Variants in NSUN3 observed in about 807,000 individuals in gnomAD.
NSUN3 encodes NOP2/Sun RNA methyltransferase 3.
Under a neutral mutation model 36.8 loss-of-function variants are expected in NSUN3, and 24 were observed. The ratio of observed to expected loss-of-function variants is 0.65; its 90% CI spans 0.47 to 0.92. The LOEUF is 0.92. Among genes scored for constraint, NSUN3 ranks in the 40% least tolerant of loss-of-function variants. The probability of loss-of-function intolerance (pLI) is 0.00; values close to 1 mark genes in which losing one functional copy is unlikely to be tolerated. For synonymous variants in NSUN3, 146 were observed against 145.2 expected, an observed-to-expected ratio of 1.01 and a Z score of -0.04; for missense variants, 381 against 392.8, an observed-to-expected ratio of 0.97 and a Z score of 0.25.
intron 5 of NSUN3, among the ~76,000 whole-genome samples, chr3:94,119,436 G>C (rs976079677): frequency 2.6e-5 from 4 of 152,152 alleles, no homozygotes; most frequent in Non-Finnish European, 4.4e-5. Context: ...TATGGCTCTG[G>C]GGGAGGGGGA....
In NSUN3 at chr3:94,107,776, C is replaced by T. The variant is rs966617929; in HGVS notation, c.743+12622C>T. Among the ~76,000 whole-genome samples, 5 of 151,906 alleles carry T rather than the reference C, an allele frequency of 3.3e-5. No homozygotes were observed. In the East Asian group the frequency reaches 5.8e-4, roughly 18 times the overall value. ...CAATTTTAAAACAGTGGCCATGTTC[C>T]GTAAAGTCAAGTTTACTTTAAAAAG... On this transcript the variant is annotated intron_variant, in intron 5 of 5. Coordinates refer to ENST00000314622, the MANE Select transcript of NSUN3 (RefSeq NM_022072.5).
chr3:94,091,765 T>A (rs970416729), intron 3 of NSUN3, among the ~76,000 whole-genome samples: 2 of 152,220 alleles, frequency 1.3e-5, no homozygotes, highest in African/African-American at 4.8e-5. Flanking sequence ...AAGACCTCTT[T>A]TCTCTGAGGC....
At chr3:94,107,038 G>A (rs1026182830) in intron 5 of NSUN3, among the ~76,000 whole-genome samples, 8 of 151,640 alleles carry the variant, frequency 5.3e-5, no homozygotes, top group South Asian at 2.1e-4. Flanking sequence ...CACCTCCCAC[G>A]CTCAAGCAGT....
At chr3:94,095,296 C>G in intron 5 of NSUN3, 142 bp downstream of exon 5, 3 of 743,206 alleles carry the variant, frequency 4.0e-6, no homozygotes, top group Non-Finnish European at 6.4e-6. Context: ...CAAAAAATTC[C>G]CAACTTCTTC....
chr3:94,075,858 G>C (rs779535476), intron 2 of NSUN3: 1 of 1,132,338 alleles, frequency 8.8e-7, no homozygotes, highest in Admixed American at 1.8e-5. Flanking sequence ...CACTCTCAGG[G>C]TTGAGAAGAA....
At chr3:94,105,535 G>T (rs2077385382) in intron 5 of NSUN3, among the ~76,000 whole-genome samples, 1 of 151,960 alleles carries the variant, frequency 6.6e-6, no homozygotes, top group Non-Finnish European at 1.5e-5. Flanking sequence ...TTCCTCCAAA[G>T]ATTTATTTAG....
chr3:94,114,114 A>G (rs1413129385), intron 5 of NSUN3, among the ~76,000 whole-genome samples: 1 of 152,222 alleles, frequency 6.6e-6, no homozygotes, highest in African/African-American at 2.4e-5. Flanking sequence ...GCCTGGAGGT[A>G]TATAGTTATT....
Position 94,126,394 on chromosome 3 carries a change from G to C in NSUN3, c.927G>C (p.Gln309His), listed in dbSNP as rs779888387. The C allele has an allele frequency of 6.2e-7, 1 of 1,614,068 alleles. No individual in the cohort carries two copies. The highest frequency in any genetic ancestry group is 1.3e-5 in the African/African-American group (1 of 74,930). The stretch of plus-strand genomic sequence containing the variant: ...ACTTCACATTTGCTCCCACTGGCCA[G>C]GAATGTGGGCTCTTAGTGATTCCAG... The part of the protein sequence containing the change: ...SHDFTFAPTG[Q>H]ECGLLVIPDK... Residue 309 changes from glutamine to histidine, a missense_variant, in exon 6 of 6, where the codon CAG becomes CAC. Coordinates refer to ENST00000314622, the MANE Select transcript of NSUN3 (RefSeq NM_022072.5).
chr3:94,126,507 G>T lies in NSUN3; in HGVS notation c.*17G>T. 1.3e-6 allele frequency: 2 copies of T among 1,587,798 alleles called. No individual in the cohort carries two copies. Among genetic ancestry groups the T allele is most frequent in the South Asian group, 1.1e-5 (1 of 89,002 alleles). ...AAATGGTGACATGAATTTGTAAACTGTGTTTATGTGTTATTATATTTATAT... is the reference window on the plus strand; with the variant it reads ...AAATGGTGACATGAATTTGTAAACTTTGTTTATGTGTTATTATATTTATAT... On this transcript the variant is annotated 3_prime_UTR_variant, in exon 6 of 6. Coordinates refer to ENST00000314622, the MANE Select transcript of NSUN3 (RefSeq NM_022072.5).
rs141583113 is a variant in NSUN3 at position 94,107,902 on chromosome 3, C to T, written c.743+12748C>T. ...ACTTTCTGTAGGAATTTATTATTTA[C>T]GACCCAGTTGGCAGGAAGAAAAACC... On this transcript the variant is annotated intron_variant, in intron 5 of 5. Coordinates refer to ENST00000314622, the MANE Select transcript of NSUN3 (RefSeq NM_022072.5). Among the ~76,000 whole-genome samples, 230 of 151,474 alleles carry T rather than the reference C, an allele frequency of 1.5e-3. 2 individuals are homozygous for T. Among genetic ancestry groups the T allele is most frequent in the African/African-American group, 5.3e-3 (219 of 41,318 alleles).
At chr3:94,075,826 T>C in intron 2 of NSUN3, 1 of 947,630 alleles carries the variant, frequency 1.1e-6, no homozygotes. Flanking sequence ...GAACAAAGTC[T>C]GTCTCATAAC....
intron 5 of NSUN3, among the ~76,000 whole-genome samples, chr3:94,113,391 A>ATATTATTCTT (rs2077426293): frequency 1.3e-5 from 2 of 152,200 alleles, no homozygotes; most frequent in South Asian, 4.1e-4. Flanking sequence ...AAGTAAGAAT[A>ATATTATTCTT]ATAATTCATG....
At chr3:94,067,023 G>T (rs966120204) in intron 2 of NSUN3, among the ~76,000 whole-genome samples, 1 of 152,142 alleles carries the variant, frequency 6.6e-6, no homozygotes. Flanking sequence ...GGGTGTTGAG[G>T]TCACACCTGA....
chr3:94,094,773 A>C (rs2077330663), intron 4 of NSUN3, among the ~76,000 whole-genome samples: 2 of 152,224 alleles, frequency 1.3e-5, no homozygotes, highest in African/African-American at 4.8e-5. Flanking sequence ...AAATAGCATT[A>C]GTAGACCTAG....
chr3:94,076,361 G>A (rs1948836011), intron 2 of NSUN3: 1 of 817,066 alleles, frequency 1.2e-6, no homozygotes, highest in Non-Finnish European at 2.2e-6. Flanking sequence ...CACTTCAGCA[G>A]TGTGAGCGTC....
intron 2 of NSUN3, among the ~76,000 whole-genome samples, chr3:94,071,642 G>A (rs1340507182): frequency 1.3e-5 from 2 of 151,942 alleles, no homozygotes; most frequent in Non-Finnish European, 2.9e-5. Context: ...TGATATCAGT[G>A]GTGCACTAGC....
At chr3:94,076,989 G>T (rs1476149686) in intron 2 of NSUN3, 4 of 924,750 alleles carry the variant, frequency 4.3e-6, no homozygotes, top group Non-Finnish European at 5.4e-6. Flanking sequence ...GTCGATGAAT[G>T]CTGAAATCTT....
At chr3:94,117,625 A>G (rs921580582) in intron 5 of NSUN3, among the ~76,000 whole-genome samples, 14 of 152,166 alleles carry the variant, frequency 9.2e-5, no homozygotes, top group African/African-American at 3.4e-4. Flanking sequence ...ATATAGTAAC[A>G]GGTTATCTGG....
intron 3 of NSUN3, among the ~76,000 whole-genome samples, chr3:94,089,513 AGT>A (rs1226434234): frequency 6.6e-6 from 1 of 152,176 alleles, no homozygotes; most frequent in Non-Finnish European, 1.5e-5. Context: ...AAAATGGCAG[AGT>A]GTGACCTTCT....
Sources: gnomAD v4.1 joint callset for allele counts (sites outside exome capture counted in the v4.1 genomes callset) on GRCh38, gnomAD v4.1.1 for gene constraint, MANE v1.5 for transcripts, NCBI Gene and HGNC (gene_info 2026-07-23, HGNC 2026-07-21) for gene names.